Variants in PDZD2 observed in about 807,000 individuals in gnomAD.
PDZD2 encodes the protein PDZ domain-containing protein 2.
In PDZD2, 90 loss-of-function variants were observed where a neutral mutation model predicts 220.7. The ratio of observed to expected loss-of-function variants is 0.41; its 90% confidence interval spans 0.34 to 0.49. PDZD2 has a LOEUF of 0.49. Among genes scored for constraint, PDZD2 ranks in the 20% least tolerant of loss-of-function variants. The probability of loss-of-function intolerance (pLI) is 0.28; values close to 1 mark genes in which losing one functional copy is unlikely to be tolerated. For synonymous variants in PDZD2, 1,375 were observed against 1,450.5 expected, an observed-to-expected ratio of 0.95 and a Z score of 1.18; for missense variants, 3,174 against 3,608.5, an observed-to-expected ratio of 0.88 and a Z score of 3.08.
intron 2 of PDZD2, among the ~76,000 whole-genome samples, chr5:31,957,289 C>A (rs1747795913): frequency 1.3e-5 from 2 of 152,132 alleles, no homozygotes; most frequent in African/African-American, 4.8e-5. Context: ...CTATTGGCTC[C>A]TTTCCCCAGG....
intron 2 of PDZD2, among the ~76,000 whole-genome samples, chr5:31,827,435 G>A (rs891788827): frequency 2.6e-5 from 4 of 152,110 alleles, no homozygotes; most frequent in Admixed American, 1.3e-4. Context: ...GCTCATGCCT[G>A]TAATCCCAAC....
chr5:31,656,631 A>G (rs1745560090), intron 1 of PDZD2, among the ~76,000 whole-genome samples: 2 of 152,196 alleles, frequency 1.3e-5, no homozygotes, highest in Non-Finnish European at 2.9e-5. Context: ...GCTGATCTGT[A>G]GCATTCTCAT....
At chr5:31,953,900 C>T (rs530845388) in intron 2 of PDZD2, among the ~76,000 whole-genome samples, 26 of 152,094 alleles carry the variant, frequency 1.7e-4, no homozygotes, top group Non-Finnish European at 2.8e-4. Context: ...CCGCCCACCT[C>T]GGCCTCCCAA....
intron 13 of PDZD2, among the ~76,000 whole-genome samples, chr5:32,059,741 G>A (rs1033266441): frequency 6.6e-6 from 1 of 152,140 alleles, no homozygotes; most frequent in African/African-American, 2.4e-5. Context: ...AGAATCACTT[G>A]ATGCCAAACA....
intron 8 of PDZD2, among the ~76,000 whole-genome samples, chr5:32,051,009 C>T (rs1383001992): frequency 6.6e-6 from 1 of 151,910 alleles, no homozygotes; most frequent in Non-Finnish European, 1.5e-5. Context: ...AATATAGATA[C>T]CTACAGGTGG....
intron 2 of PDZD2, among the ~76,000 whole-genome samples, chr5:31,938,337 A>G (rs1233709171): frequency 6.6e-6 from 1 of 152,236 alleles, no homozygotes; most frequent in Non-Finnish European, 1.5e-5. Flanking sequence ...TTAGTTTCTT[A>G]GTCTGTATTG....
intron 14 of PDZD2, among the ~76,000 whole-genome samples, chr5:32,063,800 A>G (rs1230187819): frequency 6.6e-6 from 1 of 152,216 alleles, no homozygotes; most frequent in African/African-American, 2.4e-5. Flanking sequence ...TAGATTTGCA[A>G]TTGTGGACGG....
chr5:32,042,715 AAGG>A (rs1756303445), intron 7 of PDZD2, among the ~76,000 whole-genome samples: 1 of 152,338 alleles, frequency 6.6e-6, no homozygotes, highest in South Asian at 2.1e-4. Flanking sequence ...AGAGGCTGAA[AAGG>A]AGAAGTCTGA....
intron 1 of PDZD2, among the ~76,000 whole-genome samples, chr5:31,655,463 G>C (rs1440616747): frequency 1.3e-5 from 2 of 152,092 alleles, no homozygotes; most frequent in Non-Finnish European, 2.9e-5. Flanking sequence ...GAGCCACTGC[G>C]CCCGGCCTAG....
At position 31,975,793 on chromosome 5, in the gene PDZD2, CTTTTTTTTTATTTAT is replaced by C. The variant is rs1749700684; in HGVS notation, c.477-7352_477-7338del. 5.4e-5 allele frequency among the ~76,000 whole-genome samples: 3 copies of C among 55,182 alleles called. 1 individual carries two copies. Among genetic ancestry groups the C allele is most frequent in the African/African-American group, 1.7e-4 (2 of 11,784 alleles). The allele number at this position is 55,182 out of a possible 152,430, so 36.2% of individuals were successfully genotyped here. On this transcript the variant is annotated intron_variant, in intron 2 of 24. Transcript: ENST00000438447. Reference sequence around the variant, plus strand: ...ATGAGCACACTGAAGGTATCAGTCACTTTTTTTTTATTTATTTTTTTTTTTTTTGAGACAAGGTCT... The same window carrying C: ...ATGAGCACACTGAAGGTATCAGTCACTTTTTTTTTTTTTGAGACAAGGTCT...
intron 2 of PDZD2, among the ~76,000 whole-genome samples, chr5:31,955,145 T>C (rs1747544884): frequency 6.6e-6 from 1 of 152,184 alleles, no homozygotes; most frequent in African/African-American, 2.4e-5. Context: ...GAACTTTCCC[T>C]GTCTTCTTTC....
At chr5:31,791,590 C>CAAAAAAAA (rs1157216997) in intron 1 of PDZD2, among the ~76,000 whole-genome samples, 1 of 50,440 alleles carries the variant, frequency 2.0e-5, no homozygotes, top group African/African-American at 6.6e-5. Flanking sequence ...AACTCCGTCT[C>CAAAAAAAA]AAAAAAAAAA....
At position 32,087,483 on chromosome 5, in the gene PDZD2, C is replaced by G. The variant is rs1224117987; in HGVS notation, c.4035C>G (p.Leu1345=). The change falls in exon 20 of 25, where the codon CTC becomes CTG. Residue 1345 remains leucine (L), a synonymous_variant. Transcript: ENST00000438447. The surrounding 1 kb of genome is among the most constrained non-coding windows in gnomAD (Gnocchi z 4.0). The part of the protein sequence containing the change: ...PAGAVLPGDP[L]TSQEQRQGAP... ...GTGCTGTCCTGCCAGGAGACCCCCT[C>G]ACATCCCAGGAGCAGAGACAGGGAG... 6.2e-7 allele frequency: 1 copy of G among 1,613,486 alleles called. No homozygotes were observed.
intron 4 of PDZD2, among the ~76,000 whole-genome samples, chr5:31,996,866 G>C (rs993761521): frequency 6.6e-6 from 1 of 152,176 alleles, no homozygotes; most frequent in African/African-American, 2.4e-5. Flanking sequence ...CTGGGTGACA[G>C]AGCAAGAGAC....
At chr5:32,046,824 C>T (rs1356876253) in intron 7 of PDZD2, among the ~76,000 whole-genome samples, 2 of 152,100 alleles carry the variant, frequency 1.3e-5, no homozygotes, top group South Asian at 2.1e-4. Context: ...AGGTAGACCA[C>T]CTGAAGTTAG....
intron 2 of PDZD2, among the ~76,000 whole-genome samples, chr5:31,861,362 T>G (rs894043033): frequency 6.6e-6 from 1 of 152,234 alleles, no homozygotes; most frequent in Non-Finnish European, 1.5e-5. Context: ...TATGCATCGC[T>G]TATCTCCAAA....
chr5:32,052,268 C>T (rs574588649), intron 8 of PDZD2, among the ~76,000 whole-genome samples: 5 of 152,312 alleles, frequency 3.3e-5, no homozygotes, highest in African/African-American at 9.6e-5. Context: ...GCCTCAGCCT[C>T]CTGAGTAGCT....
chr5:31,772,609 T>C (rs115980909), intron 1 of PDZD2, among the ~76,000 whole-genome samples: 1,676 of 152,362 alleles, frequency 0.011, 23 homozygotes, highest in African/African-American at 0.036. Context: ...ACTTGGCCCC[T>C]GTCTTACGGA....
chr5:31,876,808 A>G (rs1321312231), intron 2 of PDZD2, among the ~76,000 whole-genome samples: 1 of 152,204 alleles, frequency 6.6e-6, no homozygotes, highest in East Asian at 1.9e-4. Flanking sequence ...CTATGTGCCA[A>G]GCGACATAAA....
Sources: gnomAD v4.1 joint callset for allele counts (sites outside exome capture counted in the v4.1 genomes callset) on GRCh38, gnomAD v4.1.1 for gene constraint, Gnocchi (gnomAD v3.1) non-coding constraint, MANE v1.5 for transcripts, NCBI Gene and HGNC (gene_info 2026-07-23, HGNC 2026-07-21) for gene names.